Variants in DOCK8 observed in about 807,000 individuals in gnomAD.
The protein encoded by DOCK8 is dedicator of cytokinesis 8, also known as dedicator of cytokinesis protein 8.
In DOCK8, 141 loss-of-function variants were observed where a neutral mutation model predicts 245.6. The observed-to-expected ratio is 0.57, with a 90% CI of 0.50 to 0.66. The LOEUF (loss-of-function observed/expected upper bound fraction) is 0.66, where lower values mean the gene tolerates loss of function less well. DOCK8 is among the 30% of genes least tolerant of loss of function. The pLI, the probability that DOCK8 is intolerant of heterozygous loss-of-function variation, is 0.00. For missense variants in DOCK8, 2,965 were observed against 2,603.4 expected, an observed-to-expected ratio of 1.14 and a Z score of -3.02; for synonymous variants, 1,168 against 970.2, an observed-to-expected ratio of 1.20 and a Z score of -3.79.
chr9:408,493 G>C (rs1027686197), intron 28 of DOCK8, among the ~76,000 whole-genome samples: 4 of 152,106 alleles, frequency 2.6e-5, no homozygotes, highest in Admixed American at 1.3e-4. Flanking sequence ...AATTATCTCA[G>C]TAGAATGTTC....
intron 29 of DOCK8, 24 bp downstream of exon 29, chr9:414,975 C>G: frequency 6.2e-7 from 1 of 1,612,250 alleles, no homozygotes; most frequent in Non-Finnish European, 8.5e-7. Context: ...TGTTTTCTTT[C>G]TTGGATTGTT....
intron 11 of DOCK8, among the ~76,000 whole-genome samples, chr9:335,096 A>G (rs1483121273): frequency 6.6e-6 from 1 of 152,186 alleles, no homozygotes; most frequent in Non-Finnish European, 1.5e-5. Flanking sequence ...AAAAAGAAAA[A>G]AGAGAAAAAC....
rs377658939 is a variant in DOCK8 at position 304,591 on chromosome 9, A to G, written c.415A>G (p.Ser139Gly). The part of the protein sequence containing the change: ...WLIVNRKNQG[S>G]PEICGFKKTG... ...TATCAACCATAAAAGAAACCAAGGA[A>G]GTCCAGAAATCTGTGGCTTTAAAAA... is the stretch of plus-strand genomic sequence containing the variant. Residue 139 changes from serine to glycine, a missense_variant, in exon 5 of 48, where the codon AGT becomes GGT. Coordinates refer to ENST00000432829, the MANE Select transcript of DOCK8 (RefSeq NM_203447.4). 11 of 1,614,150 alleles carry G rather than the reference A, an allele frequency of 6.8e-6. No homozygotes were observed. The highest frequency in any genetic ancestry group is 9.3e-6 in the Non-Finnish European group (11 of 1,180,004).
chr9:322,617 A>T (rs994070831), intron 7 of DOCK8, among the ~76,000 whole-genome samples: 1 of 152,240 alleles, frequency 6.6e-6, no homozygotes, highest in Non-Finnish European at 1.5e-5. Context: ...TTATTATAAC[A>T]CAATTTTAAG....
chr9:251,531 C>T (rs4740675), intron 1 of DOCK8, among the ~76,000 whole-genome samples: 17,080 of 152,062 alleles, frequency 0.11, 1,376 homozygotes, highest in East Asian at 0.4. Context: ...GCCAAGCCCC[C>T]GGGAAGGAAA....
intron 2 of DOCK8, chr9:272,987 A>ACT: frequency 1.0e-6 from 1 of 967,014 alleles, no homozygotes; most frequent in African/African-American, 1.8e-5. Flanking sequence ...TCTACTTATT[A>ACT]CTTCGAAACC....
intron 7 of DOCK8, among the ~76,000 whole-genome samples, chr9:317,736 T>C (rs1224922077): frequency 6.6e-6 from 1 of 152,216 alleles, no homozygotes; most frequent in African/African-American, 2.4e-5. Flanking sequence ...CAACAGACTC[T>C]TGCCATCCAA....
chr9:339,155 AC>A, intron 13 of DOCK8, 56 bp downstream of exon 13: 1 of 1,446,000 alleles, frequency 6.9e-7, no homozygotes, highest in Non-Finnish European at 9.7e-7. Context: ...TTATCGTTAG[AC>A]ACAGTCTTTG....
At chr9:273,104 T>C (rs2129967056) in intron 2 of DOCK8, 1 of 985,450 alleles carries the variant, frequency 1.0e-6, no homozygotes, top group African/African-American at 1.7e-5. Flanking sequence ...TTCAAAGGTA[T>C]GTTTTACTGG....
At chr9:264,231 T>G (rs1230920916) in intron 1 of DOCK8, among the ~76,000 whole-genome samples, 1 of 152,218 alleles carries the variant, frequency 6.6e-6, no homozygotes, top group Non-Finnish European at 1.5e-5. Flanking sequence ...ATATAAAAGC[T>G]GGGGAGAGGA....
chr9:277,757 A>G (rs1340446192), intron 2 of DOCK8, among the ~76,000 whole-genome samples: 1 of 152,226 alleles, frequency 6.6e-6, no homozygotes, highest in Non-Finnish European at 1.5e-5. Context: ...CTGACTGAAG[A>G]AAAGGATGTA....
chr9:283,707 C>T (rs1350304226), intron 2 of DOCK8, among the ~76,000 whole-genome samples: 2 of 152,124 alleles, frequency 1.3e-5, no homozygotes, highest in African/African-American at 4.8e-5. Flanking sequence ...ATCCACGTTG[C>T]TGCAAGAGAC....
At chr9:219,910 C>A (rs1478330866) in intron 1 of DOCK8, among the ~76,000 whole-genome samples, 1 of 152,098 alleles carries the variant, frequency 6.6e-6, no homozygotes, top group Non-Finnish European at 1.5e-5. Context: ...AAAAAAGGAA[C>A]AAACCCAATA....
Position 340,180 on chromosome 9 carries a change from C to T in DOCK8, c.1538C>T (p.Ser513Phe), listed in dbSNP as rs2051510874. ...TTAGGCTTGCTAAGACTGGAGATTT[C>T]TACAGCTCCAGAGATCATCAATTGC... ...SIPGLLRLEISTAPEIINCCL... is the reference protein window; with the variant it reads ...SIPGLLRLEIFTAPEIINCCL... Residue 513 changes from serine (S) to phenylalanine (F), a missense_variant, in exon 14 of 48, where the codon TCT (serine) becomes TTT (phenylalanine). Physicochemically the swap from Ser to Phe is radical, Grantham distance 155 (BLOSUM62 -2). Transcript: ENST00000432829. 2 of 1,614,120 alleles carry T rather than the reference C, an allele frequency of 1.2e-6. No homozygotes were observed. The highest frequency in any genetic ancestry group is 4.5e-5 in the East Asian group (2 of 44,874).
At chr9:294,545 C>T (rs753489058) in intron 4 of DOCK8, among the ~76,000 whole-genome samples, 1 of 152,344 alleles carries the variant, frequency 6.6e-6, no homozygotes, top group Middle Eastern at 3.4e-3. Context: ...CACCAAGTTT[C>T]CTTTCCTTAT....
intron 11 of DOCK8, among the ~76,000 whole-genome samples, chr9:334,752 A>G (rs930334633): frequency 1.3e-5 from 2 of 152,072 alleles, no homozygotes; most frequent in Non-Finnish European, 2.9e-5. Flanking sequence ...CTAAACCTAA[A>G]AAAAAAAGCC....
At chr9:316,529 T>G (rs1002685390) in intron 6 of DOCK8, among the ~76,000 whole-genome samples, 1 of 152,220 alleles carries the variant, frequency 6.6e-6, no homozygotes, top group Non-Finnish European at 1.5e-5. Flanking sequence ...ACCCCAAGTC[T>G]CTATCATCTG....
intron 26 of DOCK8, among the ~76,000 whole-genome samples, chr9:400,250 CCATCACCACCACCTCCACCAT>C (rs2054802517): frequency 1.1e-5 from 1 of 87,760 alleles, no homozygotes; most frequent in African/African-American, 8.6e-5. Context: ...ACCACCTCCA[CCATCACCACCACCTCCACCAT>C]CACCACCACT....
chr9:402,097 G>T (rs921869493), intron 26 of DOCK8, among the ~76,000 whole-genome samples: 1 of 152,214 alleles, frequency 6.6e-6, no homozygotes, highest in African/African-American at 2.4e-5. Context: ...TGCAGACCCA[G>T]GCTTAGCTAC....
Sources: allele counts gnomAD v4.1 joint callset (sites outside exome capture counted in the v4.1 genomes callset), GRCh38; gene constraint gnomAD v4.1.1; transcripts MANE v1.5; gene names NCBI Gene and HGNC (gene_info 2026-07-23, HGNC 2026-07-21).